The following PHF20 variants were observed in gnomAD, a reference collection of about 807,000 sequenced individuals.
PHF20 encodes the protein glioma-expressed antigen 2.
A neutral mutation model predicts 113.5 loss-of-function variants in PHF20; 23 were observed. The observed-to-expected ratio is 0.20, with a 90% CI of 0.15 to 0.29. The LOEUF (loss-of-function observed/expected upper bound fraction) is 0.29. Ranked by LOEUF, PHF20 falls within the 10% of genes least tolerant of loss-of-function variation. The pLI is 1.00. For missense variants in PHF20, 943 were observed against 1,219.6 expected (o/e 0.77, Z 3.38); for synonymous variants, 434 against 457.3 (o/e 0.95, Z 0.65).
chr20:35,781,939 C>T (rs2041306436), intron 1 of PHF20, among the ~76,000 whole-genome samples: 1 of 150,952 alleles, frequency 6.6e-6, no homozygotes, highest in Non-Finnish European at 1.5e-5. Context: ...CAGAGCGAGA[C>T]TCCATCTCAA....
intron 2 of PHF20, 125 bp from the exon 3 acceptor site, chr20:35,842,448 A>T (rs1242943938): frequency 6.4e-6 from 5 of 775,242 alleles, no homozygotes; most frequent in Admixed American, 2.6e-5. Flanking sequence ...AACTACACAG[A>T]GTCTCTAAAC....
At chr20:35,789,789 G>A (rs945839223) in intron 1 of PHF20, among the ~76,000 whole-genome samples, 6 of 148,050 alleles carry the variant, frequency 4.1e-5, no homozygotes, top group East Asian at 2.0e-4. Context: ...CTCATGATCC[G>A]CCTGCCTGTG....
At chr20:35,896,237 G>A in intron 9 of PHF20, among the ~76,000 whole-genome samples, 1 of 151,840 alleles carries the variant, frequency 6.6e-6, no homozygotes, top group Non-Finnish European at 1.5e-5. Context: ...TCTGATTATG[G>A]GATGACACTT....
chr20:35,862,553 C>A (rs557547902), intron 5 of PHF20, among the ~76,000 whole-genome samples: 1 of 152,242 alleles, frequency 6.6e-6, no homozygotes, highest in East Asian at 1.9e-4. Context: ...CATAGGGAGA[C>A]CCTATTGCTA....
At chr20:35,779,495 C>T (rs970703601) in intron 1 of PHF20, among the ~76,000 whole-genome samples, 1 of 150,428 alleles carries the variant, frequency 6.6e-6, no homozygotes, top group African/African-American at 2.4e-5. Flanking sequence ...GGAAAAAGTC[C>T]ATAGCTGGTG....
At chr20:35,823,156 G>A (rs570290047) in intron 2 of PHF20, among the ~76,000 whole-genome samples, 19 of 152,126 alleles carry the variant, frequency 1.2e-4, no homozygotes, top group South Asian at 6.2e-4. Context: ...TACAAAAAAA[G>A]TACAATATTC....
rs533797385 is a variant in PHF20, at chr20:35,793,928, G to A, written c.-32-7563G>A. On this transcript the variant is annotated intron_variant, in intron 1 of 17. Coordinates refer to ENST00000374012, the MANE Select transcript of PHF20 (RefSeq NM_016436.5). ...CAGGAGATGCTTGAACCTGGGAGGCGGAGGTTGCAGAGAGCCGAGATTGCA... is the reference window on the plus strand; with the variant it reads ...CAGGAGATGCTTGAACCTGGGAGGCAGAGGTTGCAGAGAGCCGAGATTGCA... Among the ~76,000 whole-genome samples the A allele has an allele frequency of 2.2e-4, 33 of 149,716 alleles. No individual in the cohort carries two copies. The South Asian group carries it at 4.9e-3, about 22-fold the overall frequency.
chr20:35,798,547 T>A (rs2041714373), intron 1 of PHF20, among the ~76,000 whole-genome samples: 1 of 151,954 alleles, frequency 6.6e-6, no homozygotes, highest in Non-Finnish European at 1.5e-5. Context: ...CTCCACCTCC[T>A]GGGTTCAAGT....
intron 2 of PHF20, among the ~76,000 whole-genome samples, chr20:35,804,239 T>TTG: frequency 7.1e-6 from 1 of 141,812 alleles, no homozygotes; most frequent in African/African-American, 2.7e-5. Flanking sequence ...GTTTTTTTTT[T>TTG]TTTTTTTTTT....
intron 2 of PHF20, among the ~76,000 whole-genome samples, chr20:35,815,131 AG>A (rs1481543831): frequency 6.6e-6 from 1 of 151,994 alleles, no homozygotes; most frequent in Non-Finnish European, 1.5e-5. Context: ...AAGGAGGCAG[AG>A]GTTGCAGTGA....
rs544621318 is a variant in PHF20, at chr20:35,800,463, A to G, written c.-32-1028A>G. 4.6e-5 allele frequency among the ~76,000 whole-genome samples: 7 copies of G among 152,254 alleles called. No individual in the cohort carries two copies. In the East Asian group the frequency reaches 9.6e-4, roughly 21 times the overall value. ...AAACAAAAAAAGAAGTAGGAAATATACATAGATCAAAGAAAGTATAAACAA... is the reference window on the plus strand; with the variant it reads ...AAACAAAAAAAGAAGTAGGAAATATGCATAGATCAAAGAAAGTATAAACAA... On this transcript the variant is annotated intron_variant, in intron 1 of 17. Coordinates refer to ENST00000374012, the MANE Select transcript of PHF20 (RefSeq NM_016436.5).
chr20:35,852,882 C>G (rs1243755011), intron 4 of PHF20, among the ~76,000 whole-genome samples: 1 of 151,378 alleles, frequency 6.6e-6, no homozygotes. Flanking sequence ...CAGGCGTGAG[C>G]CACCGTGCCC....
At chr20:35,941,643 A>G (rs2055982007) in intron 17 of PHF20, among the ~76,000 whole-genome samples, 1 of 152,196 alleles carries the variant, frequency 6.6e-6, no homozygotes, top group African/African-American at 2.4e-5. Flanking sequence ...TTGTTGAAAT[A>G]TTCCCTAATT....
chr20:35,787,591 C>A (rs113413201), intron 1 of PHF20, among the ~76,000 whole-genome samples: 6 of 145,112 alleles, frequency 4.1e-5, no homozygotes, highest in South Asian at 2.2e-4. Context: ...TGGGTTCAAG[C>A]GATTCTCCTG....
chr20:35,896,756 T>C (rs2054992600), intron 9 of PHF20, among the ~76,000 whole-genome samples: 1 of 126,716 alleles, frequency 7.9e-6, no homozygotes, highest in African/African-American at 3.1e-5. Context: ...AGCCGAGATC[T>C]CACCATTGCA....
intron 1 of PHF20, chr20:35,775,172 T>G (rs1241389150): frequency 6.6e-6 from 1 of 152,174 alleles, no homozygotes; most frequent in Non-Finnish European, 1.5e-5. Context: ...TGCATGTAAG[T>G]CACCCAGGGG....
chr20:35,784,549 G>T (rs1343465879), intron 1 of PHF20, among the ~76,000 whole-genome samples: 1 of 144,278 alleles, frequency 6.9e-6, no homozygotes, highest in Non-Finnish European at 1.5e-5. Flanking sequence ...AGATTCTCCT[G>T]CCTCAGCCTG....
chr20:35,782,321 TCTCCAGG>T (rs1485385911), intron 1 of PHF20: 1 of 151,662 alleles, frequency 6.6e-6, no homozygotes, highest in Non-Finnish European at 1.5e-5. Context: ...CTCACTCTGT[TCTCCAGG>T]CTGGAATGCA....
At chr20:35,845,405 G>C in intron 3 of PHF20, 1 of 386,176 alleles carries the variant, frequency 2.6e-6, no homozygotes, top group Non-Finnish European at 5.4e-6. Flanking sequence ...TTGCTCTGTC[G>C]CCCAGTCTGA....
Sources: gnomAD v4.1 joint callset for allele counts (sites outside exome capture counted in the v4.1 genomes callset) on GRCh38, gnomAD v4.1.1 for gene constraint, MANE v1.5 for transcripts, NCBI Gene and HGNC (gene_info 2026-07-23, HGNC 2026-07-21) for gene names.